The following ABCG2 variants were observed in gnomAD, a reference collection of about 807,000 sequenced individuals.
ABCG2 encodes the protein broad substrate specificity ATP-binding cassette transporter ABCG2.
Under a neutral mutation model 73.5 loss-of-function variants are expected in ABCG2, and 80 were observed. The ratio of observed to expected loss-of-function variants is 1.09; its 90% CI spans 0.91 to 1.31. The LOEUF is 1.31. ABCG2 is among the 50% of genes most tolerant of loss of function. The pLI is 0.00. For missense variants in ABCG2, 796 were observed against 786.2 expected, an observed-to-expected ratio of 1.01 and a Z score of -0.15; for synonymous variants, 269 against 282.4, an observed-to-expected ratio of 0.95 and a Z score of 0.48.
In ABCG2 at chr4:88,202,037, A is replaced by G. The variant is rs151130401; in HGVS notation, c.-20+28957T>C. On this transcript the variant is annotated intron_variant, in intron 1 of 15. Transcript: ENST00000515655. Reference sequence around the variant, plus strand: ...TTTTTAAAGCTCCCCAAGCAATTTAAAATTCAGCAATATCTAAAGAGAGGT... The same window carrying G: ...TTTTTAAAGCTCCCCAAGCAATTTAGAATTCAGCAATATCTAAAGAGAGGT... Among the ~76,000 whole-genome samples the G allele has an allele frequency of 2.5e-3, 384 of 152,106 alleles. 3 individuals carry two copies. Among genetic ancestry groups the G allele is most frequent in the Middle Eastern group, 6.8e-3 (2 of 294 alleles).
At chr4:88,131,251 A>C in intron 4 of ABCG2, 38 bp from the exon 5 acceptor site, 1 of 1,600,870 alleles carries the variant, frequency 6.2e-7, no homozygotes, top group Non-Finnish European at 8.6e-7. Context: ...CATAATGATA[A>C]TGAGTCTTTT....
In ABCG2 at chr4:88,091,647, A is replaced by G. The variant is rs1306541585; in HGVS notation, c.*587T>C. ...TACCCACAGTTCCAAACCCTCAGCC[A>G]AGATTCCTGAGATATTATACCACTA... On this transcript the variant is annotated 3_prime_UTR_variant, in exon 16 of 16. Transcript: ENST00000237612. 1 of 152,226 alleles carries G rather than the reference A, an allele frequency of 6.6e-6. No homozygotes were observed. Among genetic ancestry groups the G allele is most frequent in the African/African-American group, 2.4e-5 (1 of 41,432 alleles). The allele number at this position is 152,226 out of a possible 1,614,324, so 9.4% of individuals were successfully genotyped here. A position where few individuals can be genotyped will look rare whatever the true frequency, so the allele number is the denominator to read the frequency against.
intron 1 of ABCG2, among the ~76,000 whole-genome samples, chr4:88,219,542 T>C (rs1475456111): frequency 1.3e-5 from 2 of 150,010 alleles, no homozygotes; most frequent in East Asian, 3.9e-4. Flanking sequence ...TCTACTGTGG[T>C]AAAATATTCA....
intron 1 of ABCG2, among the ~76,000 whole-genome samples, chr4:88,176,578 T>C (rs931489658): frequency 5.9e-4 from 85 of 143,988 alleles, no homozygotes; most frequent in Non-Finnish European, 2.9e-4. Flanking sequence ...CCTCCTGGAC[T>C]CAGGTGATCC....
At chr4:88,149,105 C>A (rs2110069364) in intron 1 of ABCG2, among the ~76,000 whole-genome samples, 1 of 152,192 alleles carries the variant, frequency 6.6e-6, no homozygotes, top group Middle Eastern at 3.4e-3. Context: ...GACCTAGCTA[C>A]TTGTGAGGCT....
chr4:88,165,496 T>C (rs1356371029), intron 1 of ABCG2, among the ~76,000 whole-genome samples: 1 of 152,248 alleles, frequency 6.6e-6, no homozygotes, highest in African/African-American at 2.4e-5. Flanking sequence ...TTGATTTTCT[T>C]CTGCCTCCCT....
intron 1 of ABCG2, among the ~76,000 whole-genome samples, chr4:88,194,274 G>A (rs1438315045): frequency 6.6e-6 from 1 of 151,172 alleles, no homozygotes; most frequent in Non-Finnish European, 1.5e-5. Context: ...GGTGCGGCCG[G>A]GCACTGTGGC....
chr4:88,215,075 G>C (rs780912449), intron 1 of ABCG2, among the ~76,000 whole-genome samples: 2 of 152,148 alleles, frequency 1.3e-5, no homozygotes, highest in Non-Finnish European at 2.9e-5. Context: ...CTGGGTGACA[G>C]AATGAGACAG....
At chr4:88,103,513 T>C (rs1318562612) in intron 10 of ABCG2, among the ~76,000 whole-genome samples, 13 of 151,666 alleles carry the variant, frequency 8.6e-5, no homozygotes, top group African/African-American at 2.4e-4. Flanking sequence ...TCATGAATCA[T>C]AAGTGTGAAA....
intron 1 of ABCG2, among the ~76,000 whole-genome samples, chr4:88,219,369 G>A (rs555818757): frequency 1.3e-5 from 2 of 152,138 alleles, no homozygotes; most frequent in East Asian, 3.9e-4. Flanking sequence ...ACAGATGATA[G>A]CACGTATAAA....
chr4:88,218,684 C>T (rs768893395), intron 1 of ABCG2, among the ~76,000 whole-genome samples: 23 of 152,126 alleles, frequency 1.5e-4, no homozygotes, highest in Admixed American at 1.2e-3. Context: ...TGAGAACGTA[C>T]GCACATGCAA....
chr4:88,121,595 T>C (rs1338031719), intron 6 of ABCG2, 40 bp downstream of exon 6: 4 of 1,586,648 alleles, frequency 2.5e-6, no homozygotes, highest in African/African-American at 1.3e-5. Context: ...ATAGTAGTGA[T>C]AAGATATTAA....
At chr4:88,148,816 A>T (rs1578230718) in intron 1 of ABCG2, among the ~76,000 whole-genome samples, 1 of 152,202 alleles carries the variant, frequency 6.6e-6, no homozygotes, top group Admixed American at 6.5e-5. Flanking sequence ...TAAAGTGTAC[A>T]CAGTCCTGTA....
chr4:88,225,572 G>A (rs1156641778), intron 1 of ABCG2, among the ~76,000 whole-genome samples: 2 of 152,160 alleles, frequency 1.3e-5, no homozygotes, highest in Admixed American at 1.3e-4. Flanking sequence ...GCTGGGGCTG[G>A]GGCTCCATAG....
At chr4:88,206,718 A>G (rs1729394426) in intron 1 of ABCG2, among the ~76,000 whole-genome samples, 1 of 152,196 alleles carries the variant, frequency 6.6e-6, no homozygotes. Context: ...CACCTTCTCC[A>G]TGAAGTGTTT....
intron 1 of ABCG2, among the ~76,000 whole-genome samples, chr4:88,165,592 A>T (rs2622608): frequency 0.39 from 59,893 of 152,206 alleles, 13,232 homozygotes; most frequent in East Asian, 0.66. Context: ...TGGGCCAGGT[A>T]CATTCATCTG....
intron 1 of ABCG2, among the ~76,000 whole-genome samples, chr4:88,153,378 C>T (rs1461763916): frequency 6.6e-6 from 1 of 152,044 alleles, no homozygotes; most frequent in Non-Finnish European, 1.5e-5. Context: ...TATACAGGAG[C>T]TCAAATGGGC....
At chr4:88,094,736 G>C in intron 14 of ABCG2, 77 bp from the exon 15 acceptor site, 2 of 1,085,542 alleles carry the variant, frequency 1.8e-6, no homozygotes, top group Non-Finnish European at 2.8e-6. Flanking sequence ...TCACAATCAT[G>C]CCCTCTGAGT....
chr4:88,179,712 A>C (rs1040306226), intron 1 of ABCG2, among the ~76,000 whole-genome samples: 3 of 152,254 alleles, frequency 2.0e-5, no homozygotes, highest in Non-Finnish European at 4.4e-5. Flanking sequence ...CAGAGTCCTA[A>C]AAATGTAACA....
Sources: gnomAD v4.1 joint callset for allele counts (sites outside exome capture counted in the v4.1 genomes callset) on GRCh38, gnomAD v4.1.1 for gene constraint, MANE v1.5 for transcripts, NCBI Gene and HGNC (gene_info 2026-07-23, HGNC 2026-07-21) for gene names.